Variants in ASZ1 observed in about 807,000 individuals in gnomAD.
ASZ1 encodes the protein ankyrin repeat, SAM and basic leucine zipper domain-containing protein 1.
A neutral mutation model predicts 61.8 loss-of-function variants in ASZ1; 67 were observed. That is an observed-to-expected ratio of 1.08 (90% CI 0.89 to 1.33). The LOEUF is 1.33. ASZ1 is among the 40% of genes most tolerant of loss of function. The pLI, the probability that ASZ1 is intolerant of heterozygous loss-of-function variation, is 0.00. For missense variants in ASZ1, 577 were observed against 554.5 expected (o/e 1.04, Z -0.41); for synonymous variants, 193 against 192.7 (o/e 1.00, Z -0.01).
At position 117,425,255 on chromosome 7, in the gene ASZ1, A is replaced by ATTTTTTT. The variant is rs1004795019; in HGVS notation, c.205+1580_205+1581insAAAAAAA. Among the ~76,000 whole-genome samples, 11 of 86,724 alleles carry ATTTTTTT rather than the reference A, an allele frequency of 1.3e-4. 1 individual carries two copies. Among genetic ancestry groups the ATTTTTTT allele is most frequent in the South Asian group, 4.6e-4 (1 of 2,170 alleles). The allele number at this position is 86,724 out of a possible 152,430, so 56.9% of individuals were successfully genotyped here. On this transcript the variant is annotated intron_variant, in intron 2 of 12. Coordinates refer to ENST00000284629, the MANE Select transcript of ASZ1 (RefSeq NM_130768.3). The stretch of plus-strand genomic sequence containing the variant: ...TAAATGCTTGTTATTCCTTTGAGTA[A>ATTTTTTT]TTTCTTTTTTTTTTTTTTTTTTTTT...
intron 4 of ASZ1, among the ~76,000 whole-genome samples, chr7:117,399,320 G>C (rs987049266): frequency 5.3e-5 from 8 of 152,150 alleles, no homozygotes; most frequent in African/African-American, 1.9e-4. Context: ...CTAAGTTTGA[G>C]GAATGAACCT....
At chr7:117,404,329 T>C (rs75340097) in intron 4 of ASZ1, among the ~76,000 whole-genome samples, 1 of 136,566 alleles carries the variant, frequency 7.3e-6, no homozygotes, top group East Asian at 2.0e-4. Context: ...TTAGGCTGTC[T>C]TTTTTTTTTT....
At chr7:117,418,041 T>G (rs1156315028) in intron 4 of ASZ1, among the ~76,000 whole-genome samples, 1 of 152,200 alleles carries the variant, frequency 6.6e-6, no homozygotes, top group Non-Finnish European at 1.5e-5. Context: ...TTCTAGTTCT[T>G]GAGGAGAAAG....
At chr7:117,367,875 C>T (rs1394495318) in intron 11 of ASZ1, 6 of 985,696 alleles carry the variant, frequency 6.1e-6, no homozygotes, top group African/African-American at 3.5e-5. Context: ...TTGCAGGCCA[C>T]TTCCACTTTT....
intron 4 of ASZ1, among the ~76,000 whole-genome samples, chr7:117,406,059 A>G (rs1459755112): frequency 6.6e-6 from 1 of 151,978 alleles, no homozygotes; most frequent in Non-Finnish European, 1.5e-5. Context: ...CTCCAAACAC[A>G]TACTCTCCTT....
intron 8 of ASZ1, among the ~76,000 whole-genome samples, 177 bp downstream of exon 8, chr7:117,381,892 G>T (rs1406868379): frequency 6.6e-6 from 1 of 152,196 alleles, no homozygotes; most frequent in Non-Finnish European, 1.5e-5. Context: ...TAAATTTCTA[G>T]AATAATACAT....
intron 4 of ASZ1, among the ~76,000 whole-genome samples, chr7:117,405,569 G>T (rs967961118): frequency 6.6e-6 from 1 of 152,224 alleles, no homozygotes. Flanking sequence ...ATCCATCAAG[G>T]ATAGCAGTCA....
At chr7:117,424,762 T>C (rs763439278) in intron 2 of ASZ1, among the ~76,000 whole-genome samples, 1 of 152,240 alleles carries the variant, frequency 6.6e-6, no homozygotes, top group Non-Finnish European at 1.5e-5. Flanking sequence ...ATATTAGGTA[T>C]TCGGGCCTCT....
chr7:117,384,494 CTTTTATAGAGCTT>C (rs1316348275), intron 6 of ASZ1, among the ~76,000 whole-genome samples: 2 of 152,030 alleles, frequency 1.3e-5, no homozygotes, highest in African/African-American at 4.8e-5. Context: ...TTTTATTACT[CTTTTATAGAGCTT>C]TTAAATTACT....
chr7:117,425,329 G>A (rs1445411496), intron 2 of ASZ1, among the ~76,000 whole-genome samples: 3 of 137,952 alleles, frequency 2.2e-5, no homozygotes, highest in South Asian at 2.4e-4. Flanking sequence ...GCAGTGGCGC[G>A]ATCTCGGCTC....
chr7:117,377,847 TAAAG>T (rs1796165443), intron 10 of ASZ1, among the ~76,000 whole-genome samples: 1 of 152,048 alleles, frequency 6.6e-6, no homozygotes, highest in African/African-American at 2.4e-5. Flanking sequence ...GATAGACACA[TAAAG>T]AACCCAGAAT....
At position 117,425,259 on chromosome 7, in the gene ASZ1, C is replaced by CTTTTTTTT. The variant is rs71148368; in HGVS notation, c.205+1569_205+1576dup. Among the ~76,000 whole-genome samples, 45 of 93,858 alleles carry CTTTTTTTT rather than the reference C, an allele frequency of 4.8e-4. 2 individuals are homozygous for CTTTTTTTT. The highest frequency in any genetic ancestry group is 8.3e-4 in the Admixed American group (5 of 6,060). 61.6% of individuals were successfully genotyped at this position (93,858 alleles called of 152,430 possible). ...TGCTTGTTATTCCTTTGAGTAATTT[C>CTTTTTTTT]TTTTTTTTTTTTTTTTTTTTTTTTG... is the stretch of plus-strand genomic sequence containing the variant. On this transcript the variant is annotated intron_variant, in intron 2 of 12. Transcript: ENST00000284629.
intron 4 of ASZ1, among the ~76,000 whole-genome samples, chr7:117,406,760 A>C (rs1584737317): frequency 6.6e-6 from 1 of 152,184 alleles, no homozygotes; most frequent in Admixed American, 6.5e-5. Context: ...ATCTCAAAAA[A>C]AAAAAATAGC....
At chr7:117,394,372 A>C (rs949872208) in intron 4 of ASZ1, among the ~76,000 whole-genome samples, 2 of 152,196 alleles carry the variant, frequency 1.3e-5, no homozygotes, top group African/African-American at 2.4e-5. Context: ...TGGTGAGCCA[A>C]GCCTGGCCAA....
intron 4 of ASZ1, among the ~76,000 whole-genome samples, chr7:117,413,026 C>T (rs1796926159): frequency 6.6e-6 from 1 of 151,448 alleles, no homozygotes; most frequent in African/African-American, 2.4e-5. Context: ...GTTCTGTTCC[C>T]ATACTTTCAT....
intron 7 of ASZ1, among the ~76,000 whole-genome samples, chr7:117,382,383 T>C (rs929416549): frequency 1.3e-5 from 2 of 152,052 alleles, no homozygotes; most frequent in Non-Finnish European, 2.9e-5. Flanking sequence ...GTACTCCTTG[T>C]GAAATTTCTG....
At position 117,390,179 on chromosome 7, in the gene ASZ1, G is replaced by GTTTTT. The variant is rs35059050; in HGVS notation, c.441-4375_441-4371dup. Among the ~76,000 whole-genome samples the GTTTTT allele has an allele frequency of 7.7e-3, 1,146 of 148,522 alleles. 16 individuals carry two copies. The highest frequency in any genetic ancestry group is 0.027 in the African/African-American group (1,084 of 40,438). On this transcript the variant is annotated intron_variant, in intron 4 of 12. Transcript: ENST00000284629. The stretch of plus-strand genomic sequence containing the variant: ...GTTCTATATCTTTGTAACAGTGGGG[G>GTTTTT]TTTTTTTTTTGAGACAGGGTTGTAC...
At chr7:117,378,843 C>T (rs1262905702) in intron 10 of ASZ1, among the ~76,000 whole-genome samples, 1 of 151,602 alleles carries the variant, frequency 6.6e-6, no homozygotes, top group East Asian at 1.9e-4. Context: ...TACTACTCAG[C>T]AATAAAAAGG....
intron 6 of ASZ1, among the ~76,000 whole-genome samples, chr7:117,383,646 C>T (rs947705059): frequency 9.9e-5 from 15 of 152,024 alleles, no homozygotes; most frequent in Middle Eastern, 3.4e-3. Flanking sequence ...TAAAATCTAA[C>T]CTCTCAGGAA....
Sources: gnomAD v4.1 joint callset for allele counts (sites outside exome capture counted in the v4.1 genomes callset) on GRCh38, gnomAD v4.1.1 for gene constraint, MANE v1.5 for transcripts, NCBI Gene and HGNC (gene_info 2026-07-23, HGNC 2026-07-21) for gene names.